Variants in RUNX1 observed in about 807,000 individuals in gnomAD.
RUNX1 encodes RUNX family transcription factor 1.
In RUNX1, 19 loss-of-function variants were observed where a neutral mutation model predicts 42.8. The ratio of observed to expected loss-of-function variants is 0.44; its 90% CI spans 0.31 to 0.65. RUNX1 has a LOEUF of 0.65. Ranked by LOEUF, RUNX1 falls within the 30% of genes least tolerant of loss-of-function variation. RUNX1 has a pLI of 0.07. For synonymous variants in RUNX1, 271 were observed against 289.4 expected (o/e 0.94, Z 0.64); for missense variants, 528 against 672.0 (o/e 0.79, Z 2.37).
chr21:34,798,142 C>T (rs975657691), intron 8 of RUNX1: 11 of 456,582 alleles, frequency 2.4e-5, no homozygotes, highest in African/African-American at 2.2e-4. Context: ...CATGACTCCA[C>T]TGCCCCTGTG....
chr21:34,804,742 C>CTTTT (rs58321227), intron 7 of RUNX1, among the ~76,000 whole-genome samples: 3 of 132,652 alleles, frequency 2.3e-5, no homozygotes, highest in South Asian at 2.4e-4. Context: ...GAGATGGAAA[C>CTTTT]TTTTTTTTTT....
intron 2 of RUNX1, among the ~76,000 whole-genome samples, chr21:34,908,452 G>C (rs980257957): frequency 2.6e-5 from 4 of 152,140 alleles, no homozygotes; most frequent in Non-Finnish European, 5.9e-5. Flanking sequence ...ATAAAACATA[G>C]TCTTGGATGA....
chr21:34,875,072 T>C (rs1435292480), intron 5 of RUNX1, among the ~76,000 whole-genome samples: 2 of 152,244 alleles, frequency 1.3e-5, no homozygotes, highest in Non-Finnish European at 2.9e-5. Flanking sequence ...AAAAAAGCTG[T>C]GTGACGCCAT....
At chr21:35,001,974 T>C (rs141640111) in intron 2 of RUNX1, among the ~76,000 whole-genome samples, 1 of 152,122 alleles carries the variant, frequency 6.6e-6, no homozygotes, top group East Asian at 1.9e-4. Flanking sequence ...CCACAAAATA[T>C]TACTCAAAGA....
intron 7 of RUNX1, among the ~76,000 whole-genome samples, chr21:34,802,541 T>G (rs2056622411): frequency 6.6e-6 from 1 of 152,208 alleles, no homozygotes; most frequent in Non-Finnish European, 1.5e-5. Context: ...AACAAACATT[T>G]TTGCTTCACT....
intron 7 of RUNX1, among the ~76,000 whole-genome samples, chr21:34,808,624 G>T (rs965166907): frequency 6.6e-6 from 1 of 152,188 alleles, no homozygotes; most frequent in Non-Finnish European, 1.5e-5. Flanking sequence ...ACAGGTGTGA[G>T]AGTTAATTAA....
chr21:34,994,184 A>G (rs2058975222), intron 2 of RUNX1, among the ~76,000 whole-genome samples: 1 of 141,094 alleles, frequency 7.1e-6, no homozygotes, highest in Non-Finnish European at 1.5e-5. Context: ...CAGAACATCT[A>G]GACGGAACCA....
intron 5 of RUNX1, among the ~76,000 whole-genome samples, chr21:34,860,556 T>C (rs1312077003): frequency 6.6e-6 from 1 of 152,098 alleles, no homozygotes; most frequent in African/African-American, 2.4e-5. Flanking sequence ...TGTGTGTATG[T>C]TGTCTGCTTT....
At chr21:34,824,098 C>T (rs1601397898) in intron 7 of RUNX1, among the ~76,000 whole-genome samples, 1 of 152,352 alleles carries the variant, frequency 6.6e-6, no homozygotes, top group African/African-American at 2.4e-5. Context: ...TCTTTCCTAT[C>T]CATGATTCAG....
intron 2 of RUNX1, among the ~76,000 whole-genome samples, chr21:35,035,703 G>T (rs1328321592): frequency 6.6e-6 from 1 of 152,190 alleles, no homozygotes; most frequent in Non-Finnish European, 1.5e-5. Flanking sequence ...CACGACAACA[G>T]TGCGGAGGAC....
chr21:35,047,553 A>ACT (rs1263740642), intron 2 of RUNX1, among the ~76,000 whole-genome samples: 136 of 89,914 alleles, frequency 1.5e-3, no homozygotes, highest in African/African-American at 3.6e-3. Context: ...ACACACACAC[A>ACT]CACACACACT....
At chr21:34,918,883 T>C (rs927838950) in intron 2 of RUNX1, among the ~76,000 whole-genome samples, 1 of 152,170 alleles carries the variant, frequency 6.6e-6, no homozygotes, top group African/African-American at 2.4e-5. Context: ...TCTAGCCTGG[T>C]GACAGAGTGA....
At position 34,955,636 on chromosome 21, in the gene RUNX1, T is replaced by C. The variant is rs189774412; in HGVS notation, c.59-62673A>G. ...ACCTGAAAACAGATGAAGGAGAAGG[T>C]TGCTGTCCTAACAGCAAAATCCCTT... On this transcript the variant is annotated intron_variant, in intron 2 of 8. Coordinates refer to ENST00000675419, the MANE Select transcript of RUNX1 (RefSeq NM_001754.5). 7.6e-4 allele frequency among the ~76,000 whole-genome samples: 115 copies of C among 152,224 alleles called. 1 individual carries two copies. The highest frequency in any genetic ancestry group is 2.6e-3 in the African/African-American group (110 of 41,520).
At chr21:34,852,884 T>C (rs972674374) in intron 6 of RUNX1, among the ~76,000 whole-genome samples, 4 of 152,324 alleles carry the variant, frequency 2.6e-5, no homozygotes, top group East Asian at 3.9e-4. Flanking sequence ...AGCAATGCGA[T>C]TGTGGATTGG....
At chr21:35,016,124 G>A (rs1348543967) in intron 2 of RUNX1, among the ~76,000 whole-genome samples, 1 of 152,200 alleles carries the variant, frequency 6.6e-6, no homozygotes, top group Non-Finnish European at 1.5e-5. Flanking sequence ...TGGGGATGCT[G>A]GGCATAATGG....
rs563174877 is a variant in RUNX1 at position 35,048,298 on chromosome 21, C to T, written c.58+544G>A. ...TCCTGTACTCTCTGCCTTATAGAGA[C>T]AGCTGCCTTGCCACTTTGGCCCTGA... is the stretch of plus-strand genomic sequence containing the variant. On this transcript the variant is annotated intron_variant, in intron 2 of 8. Coordinates refer to ENST00000675419, the MANE Select transcript of RUNX1 (RefSeq NM_001754.5). Among the ~76,000 whole-genome samples, 19 of 152,364 alleles carry T rather than the reference C, an allele frequency of 1.2e-4. No individual in the cohort carries two copies. In the Middle Eastern group the frequency reaches 0.017, roughly 136 times the overall value.
chr21:34,888,485 A>G, intron 3 of RUNX1: 1 of 1,066,552 alleles, frequency 9.4e-7, no homozygotes, highest in Non-Finnish European at 1.1e-6. Context: ...AGTTAATTCA[A>G]AAGGAAGAAA....
At chr21:34,817,792 G>A (rs576465690) in intron 7 of RUNX1, among the ~76,000 whole-genome samples, 1 of 152,312 alleles carries the variant, frequency 6.6e-6, no homozygotes, top group East Asian at 1.9e-4. Context: ...TCATTTCAGG[G>A]TGGCTTTGAC....
rs978128314 is a variant in RUNX1, at chr21:35,017,380, G to A, written c.58+31462C>T. On this transcript the variant is annotated intron_variant, in intron 2 of 8. Transcript: ENST00000675419. The stretch of plus-strand genomic sequence containing the variant: ...GAGCTCCGAGTGAACAAAGGGTGCC[G>A]AAAGGAGAGTGGGGGGACAATTGCA... 3.9e-5 allele frequency among the ~76,000 whole-genome samples: 6 copies of A among 152,298 alleles called. No homozygotes were observed. In the East Asian group the frequency reaches 7.7e-4, roughly 20 times the overall value.
Sources: allele counts gnomAD v4.1 joint callset (sites outside exome capture counted in the v4.1 genomes callset), GRCh38; gene constraint gnomAD v4.1.1; transcripts MANE v1.5; gene names NCBI Gene and HGNC (gene_info 2026-07-23, HGNC 2026-07-21).